SCN11A: variants seen among roughly 807,000 people sequenced by gnomAD.
SCN11A encodes sodium voltage-gated channel alpha subunit 11.
Under a neutral mutation model 162.2 loss-of-function variants are expected in SCN11A, and 122 were observed. The ratio of observed to expected loss-of-function variants is 0.75; its 90% CI spans 0.65 to 0.87. The LOEUF is 0.87. SCN11A is among the 40% of genes least tolerant of loss of function. The pLI is 0.00. For synonymous variants in SCN11A, 758 were observed against 751.5 expected (o/e 1.01, Z -0.14); for missense variants, 2,015 against 2,181.6 (o/e 0.92, Z 1.52).
At chr3:38,978,737 G>A (rs2066864354) in intron 2 of SCN11A, among the ~76,000 whole-genome samples, 1 of 152,146 alleles carries the variant, frequency 6.6e-6, no homozygotes, top group Admixed American at 6.5e-5. Flanking sequence ...AACATGATAA[G>A]GAAGGATAAA....
In SCN11A at chr3:38,856,296, G is replaced by C. The variant is rs117108789; in HGVS notation, c.4057-5545C>G. 2.9e-3 allele frequency among the ~76,000 whole-genome samples: 449 copies of C among 152,286 alleles called. 19 individuals carry two copies. In the East Asian group the frequency reaches 0.079, roughly 27 times the overall value. Reference sequence around the variant, plus strand: ...GTATGGAGGCATCTATAGACAGCCTGTCTGGAACAATCCAGGGTGAGTGCG... The same window carrying C: ...GTATGGAGGCATCTATAGACAGCCTCTCTGGAACAATCCAGGGTGAGTGCG... On this transcript the variant is annotated intron_variant, in intron 28 of 29. Coordinates refer to ENST00000302328, the MANE Select transcript of SCN11A (RefSeq NM_001349253.2).
rs778454820 is a variant in SCN11A, at chr3:38,871,468, C to A, written c.3736G>T (p.Ala1246Ser). ...QKVNFDNVGN[A>S]YLALLQVATF... Reference sequence around the variant, plus strand: ...ACCACTTGCAGCAGAGCGAGGTAAGCATTTCCCACATTGTCAAAGTTGACT... The same window carrying A: ...ACCACTTGCAGCAGAGCGAGGTAAGAATTTCCCACATTGTCAAAGTTGACT... The change falls in exon 25 of 30, where the codon GCT becomes TCT. Residue 1246 changes from alanine (A) to serine (S), a missense_variant. Physicochemically the swap from Ala to Ser is moderately conservative, Grantham distance 99. Transcript: ENST00000302328. 8.1e-6 allele frequency: 13 copies of A among 1,610,846 alleles called. No individual in the cohort carries two copies. The highest frequency in any genetic ancestry group is 3.4e-5 in the Admixed American group (2 of 59,696).
At chr3:39,047,820 C>T (rs897773318) in intron 1 of SCN11A, among the ~76,000 whole-genome samples, 10 of 152,162 alleles carry the variant, frequency 6.6e-5, no homozygotes, top group African/African-American at 1.7e-4. Context: ...ATCAAAACCA[C>T]AGTGAGATAT....
chr3:39,039,165 CAAATCAAAG>C (rs2031978655), intron 1 of SCN11A, among the ~76,000 whole-genome samples: 1 of 152,180 alleles, frequency 6.6e-6, no homozygotes, highest in Admixed American at 6.5e-5. Context: ...GTCTCAGCTC[CAAATCAAAG>C]AAATCATTGT....
At chr3:39,001,476 A>G (rs1340428661) in intron 2 of SCN11A, among the ~76,000 whole-genome samples, 3 of 152,224 alleles carry the variant, frequency 2.0e-5, no homozygotes, top group Non-Finnish European at 2.9e-5. Context: ...TTATGGCCAA[A>G]TAATATTCTA....
intron 20 of SCN11A, among the ~76,000 whole-genome samples, chr3:38,885,790 G>T (rs771715879): frequency 6.6e-6 from 1 of 152,178 alleles, no homozygotes; most frequent in Non-Finnish European, 1.5e-5. Context: ...CTAGACCAGT[G>T]GTTCTTATTT....
chr3:39,014,068 T>C (rs984803910), intron 2 of SCN11A, among the ~76,000 whole-genome samples: 6 of 152,218 alleles, frequency 3.9e-5, no homozygotes, highest in African/African-American at 4.8e-5. Context: ...CCTTGGCTGG[T>C]TGGAATTGTT....
chr3:39,000,889 T>A (rs959654423), intron 2 of SCN11A, among the ~76,000 whole-genome samples: 5 of 151,958 alleles, frequency 3.3e-5, no homozygotes, highest in Admixed American at 3.3e-4. Context: ...ATACAAAAAA[T>A]AGCTGGGCAT....
At chr3:38,996,634 A>G (rs2030639764) in intron 2 of SCN11A, among the ~76,000 whole-genome samples, 1 of 152,196 alleles carries the variant, frequency 6.6e-6, no homozygotes, top group African/African-American at 2.4e-5. Flanking sequence ...CTGAGAAGAT[A>G]ATGTTCCCAT....
intron 5 of SCN11A, among the ~76,000 whole-genome samples, chr3:38,948,813 A>C (rs912885824): frequency 6.6e-6 from 1 of 151,948 alleles, no homozygotes; most frequent in Non-Finnish European, 1.5e-5. Flanking sequence ...CTGCTGCCTG[A>C]CTCATGCGTC....
intron 1 of SCN11A, among the ~76,000 whole-genome samples, chr3:39,050,186 C>CT (rs748299775): frequency 1.3e-5 from 2 of 152,176 alleles, no homozygotes; most frequent in East Asian, 3.8e-4. Context: ...TCTCTGTACT[C>CT]TAAGCCTTGA....
rs564174858 is a variant in SCN11A, at chr3:38,866,444, T to C, written c.3951+877A>G. 5.3e-5 allele frequency among the ~76,000 whole-genome samples: 8 copies of C among 152,306 alleles called. No homozygotes were observed. In the South Asian group the frequency reaches 1.7e-3, roughly 32 times the overall value. On this transcript the variant is annotated intron_variant, in intron 27 of 29. Transcript: ENST00000302328. ...CATGTTGGCCAGGCTGGTCTCGAAC[T>C]CCTGACCTCAAGTGATTTCCCCGCC...
At chr3:38,927,363 ATTG>A (rs1407267728) in intron 7 of SCN11A, among the ~76,000 whole-genome samples, 3 of 152,206 alleles carry the variant, frequency 2.0e-5, no homozygotes, top group Non-Finnish European at 2.9e-5. Flanking sequence ...AAGGTTTAAT[ATTG>A]TTAAGATATC....
chr3:39,007,177 G>T (rs759428845), intron 2 of SCN11A, among the ~76,000 whole-genome samples: 2 of 152,068 alleles, frequency 1.3e-5, no homozygotes, highest in Non-Finnish European at 2.9e-5. Context: ...GGAAGAAAGA[G>T]AAAATACTTG....
chr3:38,867,693 A>T (rs180798143), intron 26 of SCN11A, among the ~76,000 whole-genome samples: 185 of 152,194 alleles, frequency 1.2e-3, no homozygotes, highest in African/African-American at 4.2e-3. Context: ...TTTTATTCTA[A>T]GCAAAGGAGA....
At chr3:38,967,281 T>C (rs950531277) in intron 2 of SCN11A, among the ~76,000 whole-genome samples, 1 of 152,188 alleles carries the variant, frequency 6.6e-6, no homozygotes, top group Non-Finnish European at 1.5e-5. Flanking sequence ...ATTGGAGAAG[T>C]GACAATGTGT....
At chr3:38,925,291 C>G in intron 9 of SCN11A, 124 bp downstream of exon 9, 6 of 668,962 alleles carry the variant, frequency 9.0e-6, no homozygotes, top group Non-Finnish European at 1.6e-5. Flanking sequence ...GTTGGACCAT[C>G]AAATAAATTT....
intron 23 of SCN11A, among the ~76,000 whole-genome samples, chr3:38,873,797 T>A (rs930339435): frequency 2.0e-5 from 3 of 152,164 alleles, no homozygotes; most frequent in Admixed American, 6.6e-5. Context: ...CTTCTACTAG[T>A]TTTATCTTAT....
chr3:38,908,757 G>C (rs1234912929), intron 13 of SCN11A, among the ~76,000 whole-genome samples: 1 of 152,196 alleles, frequency 6.6e-6, no homozygotes, highest in Non-Finnish European at 1.5e-5. Context: ...TTAGACTTCA[G>C]AAGGTCAAAA....
Sources: gnomAD v4.1 joint callset for allele counts (sites outside exome capture counted in the v4.1 genomes callset) on GRCh38, gnomAD v4.1.1 for gene constraint, MANE v1.5 for transcripts, NCBI Gene and HGNC (gene_info 2026-07-23, HGNC 2026-07-21) for gene names.